Variants in PKP4 observed in about 807,000 individuals in gnomAD.
PKP4 encodes plakophilin-4.
A neutral mutation model predicts 145.1 loss-of-function variants in PKP4; 90 were observed. That is an observed-to-expected ratio of 0.62 (90% CI 0.52 to 0.74). The LOEUF is 0.74. Among genes scored for constraint, PKP4 ranks in the 30% least tolerant of loss-of-function variants. The pLI, the probability that PKP4 is intolerant of heterozygous loss-of-function variation, is 0.00. For missense variants in PKP4, 1,340 were observed against 1,482.7 expected (o/e 0.90, Z 1.58); for synonymous variants, 563 against 577.2 (o/e 0.98, Z 0.35).
chr2:158,501,297 G>A (rs1352156893), intron 1 of PKP4, among the ~76,000 whole-genome samples: 2 of 152,210 alleles, frequency 1.3e-5, no homozygotes, highest in Non-Finnish European at 2.9e-5. Flanking sequence ...AACATTTATT[G>A]TTGCCTTGCA....
At chr2:158,508,981 C>T (rs2041257809) in intron 1 of PKP4, among the ~76,000 whole-genome samples, 1 of 152,012 alleles carries the variant, frequency 6.6e-6, no homozygotes, top group Non-Finnish European at 1.5e-5. Flanking sequence ...TTTGGGAGGT[C>T]ATTAGATATT....
chr2:158,663,329 CTG>C lies in PKP4; in HGVS notation c.2464_2465del (p.Trp822AlafsTer63). 1 of 1,614,034 alleles carries C rather than the reference CTG, an allele frequency of 6.2e-7. No individual in the cohort carries two copies. Among genetic ancestry groups the C allele is most frequent in the South Asian group, 1.1e-5 (1 of 91,070 alleles). ...LSKSPKGVEM[L>X]WHPSVVKPYL... ...GAAGTCCCCCAAAGGGGTTGAGATG[CTG>C]TGGCACCCATCGGTGGTAAAACCAT... is the stretch of plus-strand genomic sequence containing the variant. On this transcript the variant is annotated frameshift_variant, in exon 15 of 22. Transcript: ENST00000389759. LOFTEE classifies it high-confidence loss of function.
intron 13 of PKP4, 29 bp downstream of exon 13, chr2:158,661,479 G>A (rs765132841): frequency 2.7e-5 from 37 of 1,386,764 alleles, no homozygotes; most frequent in African/African-American, 2.6e-4. Context: ...GCAGGAGGGC[G>A]TGGTGGCAGG....
chr2:158,487,862 T>G (rs1476270564), intron 1 of PKP4, among the ~76,000 whole-genome samples: 1 of 151,936 alleles, frequency 6.6e-6, no homozygotes, highest in East Asian at 1.9e-4. Context: ...GGGAATGTGT[T>G]TTTTAAGAGA....
chr2:158,670,174 T>C (rs894748898), intron 17 of PKP4, among the ~76,000 whole-genome samples: 1 of 152,226 alleles, frequency 6.6e-6, no homozygotes, highest in Non-Finnish European at 1.5e-5. Flanking sequence ...CTTAGTCTGT[T>C]TGTTCTGCTG....
At chr2:158,604,718 T>C (rs1178275143) in intron 4 of PKP4, among the ~76,000 whole-genome samples, 1 of 152,128 alleles carries the variant, frequency 6.6e-6, no homozygotes, top group Non-Finnish European at 1.5e-5. Flanking sequence ...GGATTTGAGA[T>C]GATTAAAGGG....
intron 20 of PKP4, chr2:158,677,144 C>T: frequency 2.4e-6 from 1 of 412,858 alleles, no homozygotes; most frequent in Non-Finnish European, 4.6e-6. Flanking sequence ...TTTCTGGCTG[C>T]TCACTGGCAC....
In PKP4 at chr2:158,634,276, C is replaced by G; in HGVS notation, c.1549C>G (p.Gln517Glu). The change falls in exon 9 of 22, where the codon CAG (glutamine) becomes GAG (glutamate). Residue 517 changes from glutamine (Q) to glutamate (E), a missense_variant. Coordinates refer to ENST00000389759, the MANE Select transcript of PKP4 (RefSeq NM_003628.6). ...TTRSPSIDSI[Q>E]KDPREFAWRD... ...AAGATCCCCATCAATAGACAGCATT[C>G]AGAAGGACCCCAGGCGAGTACCAGT... is the stretch of plus-strand genomic sequence containing the variant. 6.2e-7 allele frequency: 1 copy of G among 1,613,834 alleles called. No homozygotes were observed. Among genetic ancestry groups the G allele is most frequent in the Non-Finnish European group, 8.5e-7 (1 of 1,179,846 alleles).
At chr2:158,589,665 G>A (rs1012725921) in intron 3 of PKP4, among the ~76,000 whole-genome samples, 1 of 152,116 alleles carries the variant, frequency 6.6e-6, no homozygotes, top group African/African-American at 2.4e-5. Flanking sequence ...AATGTACTTA[G>A]CGCAGTTAAC....
chr2:158,538,525 C>G (rs2044250769), intron 2 of PKP4, among the ~76,000 whole-genome samples: 1 of 146,812 alleles, frequency 6.8e-6, no homozygotes, highest in Non-Finnish European at 1.5e-5. Context: ...TTTTCAGGCT[C>G]TCTAACCACT....
chr2:158,522,043 G>C (rs1397440462), intron 1 of PKP4, among the ~76,000 whole-genome samples: 2 of 151,974 alleles, frequency 1.3e-5, no homozygotes, highest in Non-Finnish European at 2.9e-5. Context: ...ATTTTTCTGA[G>C]TGTTCATAAT....
rs2043323089 is a variant in PKP4 at position 158,529,540 on chromosome 2, G to A, written c.-5-3640G>A. Reference sequence around the variant, plus strand: ...ATACAGTGTGTGCATTCCTGTTAATGTGCTGCCCTTATCTGGAAGTAGTTA... The same window carrying A: ...ATACAGTGTGTGCATTCCTGTTAATATGCTGCCCTTATCTGGAAGTAGTTA... On this transcript the variant is annotated intron_variant, in intron 1 of 21. Coordinates refer to ENST00000389759, the MANE Select transcript of PKP4 (RefSeq NM_003628.6). 2.0e-5 allele frequency among the ~76,000 whole-genome samples: 3 copies of A among 152,160 alleles called. No homozygotes were observed. In the South Asian group the frequency reaches 6.2e-4, roughly 32 times the overall value.
At chr2:158,466,763 T>C (rs1050454315) in intron 1 of PKP4, among the ~76,000 whole-genome samples, 4 of 152,202 alleles carry the variant, frequency 2.6e-5, no homozygotes, top group Admixed American at 6.5e-5. Context: ...TTAAACTTAA[T>C]TGCCTGGATT....
At chr2:158,468,770 C>CTTTTTTTTT (rs58577988) in intron 1 of PKP4, among the ~76,000 whole-genome samples, 70 of 109,948 alleles carry the variant, frequency 6.4e-4, no homozygotes, top group Non-Finnish European at 9.3e-4. Context: ...TCTTCTTCTT[C>CTTTTTTTTT]TTTTTTTTTT....
intron 2 of PKP4, among the ~76,000 whole-genome samples, chr2:158,554,721 T>A (rs181114550): frequency 2.6e-5 from 4 of 152,148 alleles, no homozygotes; most frequent in African/African-American, 7.2e-5. Flanking sequence ...CACTGCGCCC[T>A]GCCAGAAATG....
chr2:158,663,270 A>G lies in PKP4; in HGVS notation c.2404-2A>G. ...ATTTAACGTGTGCTGTTTGTCTTTC[A>G]GTGGGATGGAGTTGGTCCTATCCCA... On this transcript the variant is annotated splice_acceptor_variant, in intron 14 of 21. Coordinates refer to ENST00000389759, the MANE Select transcript of PKP4 (RefSeq NM_003628.6). LOFTEE classifies it high-confidence loss of function. 6.2e-7 allele frequency: 1 copy of G among 1,610,920 alleles called. No individual in the cohort carries two copies.
rs1275269842 is a variant in PKP4 at position 158,611,387 on chromosome 2, A to G, written c.280+8283A>G. Among the ~76,000 whole-genome samples the G allele has an allele frequency of 3.9e-5, 6 of 152,208 alleles. No individual in the cohort carries two copies. The East Asian group carries it at 1.2e-3, about 29-fold the overall frequency. On this transcript the variant is annotated intron_variant, in intron 4 of 21. Coordinates refer to ENST00000389759, the MANE Select transcript of PKP4 (RefSeq NM_003628.6). ...AGGAGCTAGGCTGTGCATTTTGTTT[A>G]TGTATTTAAATTTTGTTTCTAAAAT...
At chr2:158,643,532 GA>G (rs1332071337) in intron 11 of PKP4, among the ~76,000 whole-genome samples, 1 of 151,938 alleles carries the variant, frequency 6.6e-6, no homozygotes, top group Non-Finnish European at 1.5e-5. Context: ...GCAACACAGG[GA>G]GACCACATCT....
At chr2:158,524,184 A>T (rs1297144532) in intron 1 of PKP4, among the ~76,000 whole-genome samples, 70 of 107,582 alleles carry the variant, frequency 6.5e-4, no homozygotes, top group Non-Finnish European at 1.0e-3. Flanking sequence ...TAATTGTCAG[A>T]TTCACCAAAG....
Sources: gnomAD v4.1 joint callset for allele counts (sites outside exome capture counted in the v4.1 genomes callset) on GRCh38, gnomAD v4.1.1 for gene constraint, MANE v1.5 for transcripts, NCBI Gene and HGNC (gene_info 2026-07-23, HGNC 2026-07-21) for gene names.